Variants in IL1RAPL1 observed in about 807,000 individuals in gnomAD.
IL1RAPL1 encodes the protein interleukin-1 receptor accessory protein-like 1.
IL1RAPL1 carries 3 observed loss-of-function variants against 48.4 expected under a neutral mutation model. The observed-to-expected ratio is 0.06, with a 90% confidence interval of 0.03 to 0.16. The LOEUF is 0.16. IL1RAPL1 is among the 10% of genes least tolerant of loss of function. The pLI is 1.00. For missense variants in IL1RAPL1, 349 were observed against 530.6 expected (o/e 0.66, Z 3.36); for synonymous variants, 185 against 187.7 (o/e 0.99, Z 0.12).
chrX:29,185,336 C>G (rs1930229784), intron 2 of IL1RAPL1, among the ~76,000 whole-genome samples: 1 of 111,339 alleles, frequency 9.0e-6, no homozygotes, highest in Non-Finnish European at 1.9e-5. Context: ...CACAGAGGAT[C>G]TTAATGGCAT....
intron 1 of IL1RAPL1, among the ~76,000 whole-genome samples, chrX:28,670,302 T>A (rs1934935865): frequency 8.9e-6 from 1 of 111,947 alleles, no homozygotes. Flanking sequence ...CAGACCCTTG[T>A]GATTTTGTCT....
intron 5 of IL1RAPL1, among the ~76,000 whole-genome samples, chrX:29,549,331 G>T (rs1467443299): frequency 1.8e-5 from 2 of 111,362 alleles, no homozygotes; most frequent in Admixed American, 1.9e-4. Flanking sequence ...TCATCATTTA[G>T]TAGCCTTCAT....
chrX:29,293,221 A>G lies in IL1RAPL1; in HGVS notation c.362+10004A>G, dbSNP rs139719007. On this transcript the variant is annotated intron_variant, in intron 3 of 10. Coordinates refer to ENST00000378993, the MANE Select transcript of IL1RAPL1 (RefSeq NM_014271.4). ...AAGCCAAGAGCTGTGTGAAATGTCT[A>G]TTTGATTTACTGATTTTTTTTAACC... Among the ~76,000 whole-genome samples, 892 of 111,341 alleles carry G rather than the reference A, an allele frequency of 8.0e-3. 12 individuals carry two copies. The highest frequency in any genetic ancestry group is 0.028 in the African/African-American group (857 of 30,732).
At chrX:29,182,474 G>T (rs1490712398) in intron 2 of IL1RAPL1, among the ~76,000 whole-genome samples, 2 of 111,555 alleles carry the variant, frequency 1.8e-5, no homozygotes, top group Admixed American at 9.6e-5. Context: ...CCTTTGGATT[G>T]CACATAGTTG....
intron 6 of IL1RAPL1, among the ~76,000 whole-genome samples, chrX:29,753,911 T>C (rs919485656): frequency 3.6e-5 from 4 of 112,112 alleles, no homozygotes; most frequent in African/African-American, 1.3e-4. Context: ...GCTAATCATG[T>C]ATGGCTTCTC....
chrX:28,781,705 G>A (rs1936425656), intron 1 of IL1RAPL1, among the ~76,000 whole-genome samples: 1 of 110,970 alleles, frequency 9.0e-6, no homozygotes, highest in East Asian at 2.8e-4. Context: ...CAAGGGAGTG[G>A]AAGTCTTGGG....
chrX:28,633,667 A>G (rs986279019), intron 1 of IL1RAPL1, among the ~76,000 whole-genome samples: 2 of 112,222 alleles, frequency 1.8e-5, no homozygotes, highest in Admixed American at 9.5e-5. Flanking sequence ...CTGCTGTAAC[A>G]TATCTGTTTT....
At chrX:28,784,656 A>T (rs760581585) in intron 1 of IL1RAPL1, among the ~76,000 whole-genome samples, 2 of 111,856 alleles carry the variant, frequency 1.8e-5, no homozygotes, top group East Asian at 5.7e-4. Flanking sequence ...GCTTACCTTA[A>T]CATACAGTAA....
At chrX:29,526,372 C>A (rs1453327437) in intron 5 of IL1RAPL1, among the ~76,000 whole-genome samples, 1 of 111,150 alleles carries the variant, frequency 9.0e-6, no homozygotes, top group Admixed American at 9.6e-5. Flanking sequence ...AAAAAATATA[C>A]CCTTACTCCA....
At chrX:28,839,595 A>T (rs1921315099) in intron 2 of IL1RAPL1, among the ~76,000 whole-genome samples, 1 of 110,787 alleles carries the variant, frequency 9.0e-6, no homozygotes, top group Admixed American at 9.7e-5. Flanking sequence ...CAAGGCATTG[A>T]GCAAATGCAT....
chrX:28,758,088 A>G (rs1936125018), intron 1 of IL1RAPL1, among the ~76,000 whole-genome samples: 1 of 112,189 alleles, frequency 8.9e-6, no homozygotes, highest in African/African-American at 3.2e-5. Flanking sequence ...TGCTAATGTG[A>G]GATAAATAGA....
intron 2 of IL1RAPL1, among the ~76,000 whole-genome samples, chrX:28,794,337 A>G (rs1936586695): frequency 9.0e-6 from 1 of 111,662 alleles, no homozygotes. Context: ...GCCGCTTTAA[A>G]GAAGTACTAA....
chrX:29,673,921 G>A (rs963612725), intron 6 of IL1RAPL1, among the ~76,000 whole-genome samples: 5 of 111,644 alleles, frequency 4.5e-5, no homozygotes, highest in Admixed American at 9.5e-5. Flanking sequence ...AGTTATTATC[G>A]TATATCATTA....
intron 2 of IL1RAPL1, among the ~76,000 whole-genome samples, chrX:28,875,593 G>A (rs1357626903): frequency 9.0e-6 from 1 of 111,677 alleles, no homozygotes. Context: ...ATTGGAGATG[G>A]GGCTTGGTGG....
intron 5 of IL1RAPL1, among the ~76,000 whole-genome samples, chrX:29,586,979 A>G (rs1252826982): frequency 1.5e-5 from 1 of 65,145 alleles, no homozygotes; most frequent in African/African-American, 1.1e-4. Context: ...TAATGGGAAC[A>G]GTTTTTTTCT....
intron 2 of IL1RAPL1, among the ~76,000 whole-genome samples, chrX:28,881,913 G>A (rs1157675206): frequency 9.1e-6 from 1 of 110,439 alleles, no homozygotes; most frequent in Admixed American, 9.7e-5. Context: ...GCCAATATGT[G>A]TATTATGGAT....
intron 6 of IL1RAPL1, among the ~76,000 whole-genome samples, chrX:29,798,021 G>A (rs749480994): frequency 4.6e-4 from 51 of 111,975 alleles, no homozygotes; most frequent in Non-Finnish European, 7.9e-4. Flanking sequence ...ACAGATTATC[G>A]GGGGGCTCAG....
At chrX:28,680,447 A>G (rs1313723808) in intron 1 of IL1RAPL1, among the ~76,000 whole-genome samples, 1 of 111,019 alleles carries the variant, frequency 9.0e-6, no homozygotes, top group African/African-American at 3.3e-5. Flanking sequence ...AGTGCCTTTT[A>G]TTTCTTGTCT....
intron 5 of IL1RAPL1, among the ~76,000 whole-genome samples, chrX:29,545,928 T>C (rs1921613288): frequency 1.8e-5 from 2 of 112,017 alleles, no homozygotes; most frequent in Admixed American, 1.9e-4. Context: ...TATTGCTTTT[T>C]AATCTCCCTA....
Sources: allele counts gnomAD v4.1 joint callset (sites outside exome capture counted in the v4.1 genomes callset), GRCh38; gene constraint gnomAD v4.1.1; transcripts MANE v1.5; gene names NCBI Gene and HGNC (gene_info 2026-07-23, HGNC 2026-07-21).